The following AGBL1 variants were observed in gnomAD, a reference collection of about 807,000 sequenced individuals.
AGBL1 encodes cytosolic carboxypeptidase 4.
Under a neutral mutation model 118.9 loss-of-function variants are expected in AGBL1, and 130 were observed. That is an observed-to-expected ratio of 1.09 (90% CI 0.95 to 1.26). AGBL1 has a LOEUF of 1.26. AGBL1 is among the 50% of genes most tolerant of loss of function. AGBL1 has a pLI of 0.00. For missense variants in AGBL1, 1,584 were observed against 1,298.1 expected (o/e 1.22, Z -3.38); for synonymous variants, 555 against 478.9 (o/e 1.16, Z -2.08).
chr15:86,998,157 G>T (rs1184483318), intron 24 of AGBL1, among the ~76,000 whole-genome samples: 1 of 152,014 alleles, frequency 6.6e-6, no homozygotes, highest in African/African-American at 2.4e-5. Context: ...ATTCCCTCCC[G>T]TTGAGTATGA....
At chr15:86,447,243 C>T (rs1022095909) in intron 18 of AGBL1, among the ~76,000 whole-genome samples, 2 of 152,194 alleles carry the variant, frequency 1.3e-5, no homozygotes, top group African/African-American at 4.8e-5. Context: ...TTGTACCATT[C>T]AGGCCAATGG....
At chr15:86,409,155 T>A (rs1384773974) in intron 18 of AGBL1, among the ~76,000 whole-genome samples, 1 of 152,166 alleles carries the variant, frequency 6.6e-6, no homozygotes, top group Admixed American at 6.5e-5. Context: ...CCGCAATGCG[T>A]CTTCAGACAA....
At chr15:86,991,885 G>A (rs1376247269) in intron 24 of AGBL1, among the ~76,000 whole-genome samples, 1 of 152,128 alleles carries the variant, frequency 6.6e-6, no homozygotes, top group Admixed American at 6.6e-5. Flanking sequence ...ATTAGTTGGG[G>A]ATAGACTAAG....
At chr15:86,313,053 G>T (rs150280055) in intron 17 of AGBL1, among the ~76,000 whole-genome samples, 1 of 152,194 alleles carries the variant, frequency 6.6e-6, no homozygotes, top group Non-Finnish European at 1.5e-5. Context: ...GGAAGGTGCT[G>T]TTGGAAACCC....
chr15:86,649,743 T>C (rs2085339820), intron 21 of AGBL1, among the ~76,000 whole-genome samples: 1 of 151,692 alleles, frequency 6.6e-6, no homozygotes, highest in Non-Finnish European at 1.5e-5. Context: ...TTCTGGAGTA[T>C]GCCCTTTTAT....
chr15:86,765,443 A>T (rs1008014628), intron 22 of AGBL1, among the ~76,000 whole-genome samples: 2 of 151,974 alleles, frequency 1.3e-5, no homozygotes, highest in Admixed American at 6.6e-5. Context: ...TTAGTGTATT[A>T]TAGCGAGGGC....
intron 18 of AGBL1, among the ~76,000 whole-genome samples, chr15:86,467,100 C>T (rs1269746706): frequency 6.6e-6 from 1 of 152,226 alleles, no homozygotes; most frequent in African/African-American, 2.4e-5. Flanking sequence ...GGGGTCTCTC[C>T]CAGGGAGGTG....
At chr15:86,547,872 A>G (rs959678637) in intron 20 of AGBL1, among the ~76,000 whole-genome samples, 4 of 152,188 alleles carry the variant, frequency 2.6e-5, no homozygotes, top group Admixed American at 2.0e-4. Context: ...ATGGGCTACT[A>G]TGACATATGT....
chr15:86,479,743 C>A (rs2082622759), intron 18 of AGBL1, among the ~76,000 whole-genome samples: 1 of 152,082 alleles, frequency 6.6e-6, no homozygotes, highest in Non-Finnish European at 1.5e-5. Flanking sequence ...GGGTATATAC[C>A]CAAAAGATTA....
At position 86,909,881 on chromosome 15, in the gene AGBL1, A is replaced by C. The variant is rs2141598035; in HGVS notation, c.*2587A>C. On this transcript the variant is annotated 3_prime_UTR_variant, in exon 23 of 23. Transcript: ENST00000614907. ...TTAAAAAACGTGACCATGACAGATA[A>C]GTTTTTATGTGGCATGTTCAGAAAA... The C allele has an allele frequency of 6.6e-6, 1 of 152,314 alleles. No homozygotes were observed. The highest frequency in any genetic ancestry group is 1.9e-4 in the East Asian group (1 of 5,186). 9.4% of individuals were successfully genotyped at this position (152,314 alleles called of 1,614,324 possible). A position where few individuals can be genotyped will look rare whatever the true frequency, so the allele number is the denominator to read the frequency against.
chr15:86,553,091 C>G (rs1476176616), intron 20 of AGBL1, among the ~76,000 whole-genome samples: 2 of 152,136 alleles, frequency 1.3e-5, no homozygotes, highest in Non-Finnish European at 2.9e-5. Flanking sequence ...TTCTCATTAA[C>G]TTGTTATGCT....
intron 6 of AGBL1, among the ~76,000 whole-genome samples, chr15:86,240,061 G>A (rs1225411435): frequency 6.6e-6 from 1 of 152,188 alleles, no homozygotes; most frequent in Non-Finnish European, 1.5e-5. Flanking sequence ...AGTCAGATGA[G>A]GGGATTTCAT....
At chr15:86,438,637 A>G (rs1873634588) in intron 18 of AGBL1, among the ~76,000 whole-genome samples, 1 of 150,920 alleles carries the variant, frequency 6.6e-6, no homozygotes, top group African/African-American at 2.4e-5. Context: ...CTAAATTCGT[A>G]TATAACTGAT....
chr15:86,463,286 T>A (rs1291237651), intron 18 of AGBL1, among the ~76,000 whole-genome samples: 2 of 151,792 alleles, frequency 1.3e-5, no homozygotes, highest in Admixed American at 1.3e-4. Flanking sequence ...ATGGGGTTGT[T>A]TGTTTTTTTT....
intron 13 of AGBL1, among the ~76,000 whole-genome samples, chr15:86,269,151 T>C (rs901712921): frequency 6.6e-6 from 1 of 152,176 alleles, no homozygotes; most frequent in Non-Finnish European, 1.5e-5. Context: ...CAGATGTAGA[T>C]AAATTCATGG....
intron 18 of AGBL1, among the ~76,000 whole-genome samples, chr15:86,466,254 C>G (rs893624477): frequency 6.6e-6 from 1 of 152,102 alleles, no homozygotes; most frequent in African/African-American, 2.4e-5. Flanking sequence ...TCTTCAGTCT[C>G]TGATATTCTT....
chr15:86,944,540 G>A (rs963293326), intron 23 of AGBL1, among the ~76,000 whole-genome samples: 22 of 152,178 alleles, frequency 1.4e-4, no homozygotes, highest in Non-Finnish European at 2.8e-4. Flanking sequence ...ACTGGACATC[G>A]CTTTGCTCAG....
chr15:86,173,637 G>A (rs566501582), intron 5 of AGBL1, among the ~76,000 whole-genome samples: 1 of 152,146 alleles, frequency 6.6e-6, no homozygotes, highest in African/African-American at 2.4e-5. Context: ...AGAGGTAGGG[G>A]TCTAGTTTCA....
At chr15:86,296,805 C>A (rs1029012652) in intron 17 of AGBL1, 6 of 152,166 alleles carry the variant, frequency 3.9e-5, no homozygotes, top group African/African-American at 1.4e-4. Context: ...TGCTTGGGAG[C>A]TGGAGACAGC....
Sources: gnomAD v4.1 joint callset for allele counts (sites outside exome capture counted in the v4.1 genomes callset) on GRCh38, gnomAD v4.1.1 for gene constraint, MANE v1.5 for transcripts, NCBI Gene and HGNC (gene_info 2026-07-23, HGNC 2026-07-21) for gene names.